CPAP: variants seen among roughly 807,000 people sequenced by gnomAD.
The protein encoded by CPAP is centrosomal P4.1-associated protein.
the CPAP span, among the ~76,000 whole-genome samples, chr13:24,920,778 A>C: frequency 7.8e-6 from 1 of 128,648 alleles, no homozygotes; most frequent in Non-Finnish European, 1.7e-5. Context: ...GCACCACCAT[A>C]CCTGGCTTTT....
the CPAP span, chr13:24,883,836 C>T: frequency 3.0e-6 from 3 of 992,076 alleles, no homozygotes; most frequent in Non-Finnish European, 4.8e-6. Flanking sequence ...GTGGGACATT[C>T]ATTCAAACTG....
chr13:24,899,079 G>A, the CPAP span, among the ~76,000 whole-genome samples: 63 of 152,146 alleles, frequency 4.1e-4, no homozygotes, highest in African/African-American at 1.5e-3. Context: ...TATGATAAAT[G>A]AACAGAACTA....
At chr13:24,921,209 T>A in the CPAP span, among the ~76,000 whole-genome samples, 1 of 152,350 alleles carries the variant, frequency 6.6e-6, no homozygotes, top group African/African-American at 2.4e-5. Context: ...CTGAGGTAAC[T>A]TGCTGCAATT....
At chr13:24,917,637 A>G in the CPAP span, among the ~76,000 whole-genome samples, 1 of 152,258 alleles carries the variant, frequency 6.6e-6, no homozygotes, top group African/African-American at 2.4e-5. Context: ...CTATCTGAAT[A>G]GTTTATGAAA....
the CPAP span, chr13:24,892,796 G>A: frequency 1.2e-6 from 2 of 1,613,450 alleles, no homozygotes; most frequent in Non-Finnish European, 1.7e-6. Context: ...TGAGACGGCT[G>A]TGTGTACTTG....
At chr13:24,883,066 A>G in the CPAP span, 1 of 975,342 alleles carries the variant, frequency 1.0e-6, no homozygotes, top group South Asian at 1.3e-5. Context: ...TTATTTTAGA[A>G]TCTAATCTTT....
the CPAP span, chr13:24,911,809 A>G: frequency 1.9e-6 from 2 of 1,046,980 alleles, no homozygotes; most frequent in Non-Finnish European, 1.5e-6. Context: ...CAACTCTACC[A>G]TTTCACATTT....
the CPAP span, among the ~76,000 whole-genome samples, chr13:24,896,720 GCAAT>G: frequency 1.3e-5 from 2 of 152,208 alleles, no homozygotes; most frequent in African/African-American, 4.8e-5. Flanking sequence ...AGGAAAAAAA[GCAAT>G]CAATCTCACA....
At chr13:24,914,625 G>GACT in the CPAP span, among the ~76,000 whole-genome samples, 1 of 151,898 alleles carries the variant, frequency 6.6e-6, no homozygotes, top group Non-Finnish European at 1.5e-5. Flanking sequence ...GCTCCTTCCA[G>GACT]ACTACACACT....
chr13:24,920,952 A>G, the CPAP span, among the ~76,000 whole-genome samples: 15 of 152,124 alleles, frequency 9.9e-5, no homozygotes, highest in African/African-American at 3.6e-4. Context: ...ATGAAGCTGA[A>G]GAACAGGCAA....
the CPAP span, among the ~76,000 whole-genome samples, chr13:24,929,901 A>T: frequency 9.9e-6 from 1 of 100,930 alleles, no homozygotes; most frequent in Non-Finnish European, 1.9e-5. Flanking sequence ...TCACTTGTGA[A>T]TTTTTTTTTT....
chr13:24,908,017 C>G, the CPAP span: 1 of 1,589,824 alleles, frequency 6.3e-7, no homozygotes, highest in Non-Finnish European at 8.6e-7. Flanking sequence ...ACGAACAATA[C>G]CTTTCTTCAA....
chr13:24,912,248 A>T, the CPAP span, among the ~76,000 whole-genome samples: 1 of 152,192 alleles, frequency 6.6e-6, no homozygotes. Flanking sequence ...TTACGAAGGA[A>T]ATCTTATCAA....
At chr13:24,887,939 A>C in the CPAP span, among the ~76,000 whole-genome samples, 117 of 152,334 alleles carry the variant, frequency 7.7e-4, no homozygotes, top group South Asian at 1.7e-3. Flanking sequence ...GCAGAGCATG[A>C]GAAAATGAGA....
At chr13:24,891,286 C>T in the CPAP span, among the ~76,000 whole-genome samples, 4 of 152,142 alleles carry the variant, frequency 2.6e-5, no homozygotes, top group Non-Finnish European at 5.9e-5. Flanking sequence ...CCTGCCTACT[C>T]ACAGCCCTGC....
chr13:24,899,341 TAAGA>T, the CPAP span: 4 of 1,179,950 alleles, frequency 3.4e-6, no homozygotes, highest in South Asian at 2.6e-5. Context: ...TGCTTTGACA[TAAGA>T]AATAACTCTG....
the CPAP span, among the ~76,000 whole-genome samples, chr13:24,894,628 C>T: frequency 6.6e-6 from 1 of 152,162 alleles, no homozygotes; most frequent in Non-Finnish European, 1.5e-5. Flanking sequence ...ACAGATAGGG[C>T]TGTGGGGTTG....
the CPAP span, chr13:24,907,028 G>A: frequency 6.3e-7 from 1 of 1,595,026 alleles, no homozygotes; most frequent in Non-Finnish European, 8.6e-7. Context: ...TATTTTTAAG[G>A]CAAATTATAG....
At chr13:24,899,799 C>T in the CPAP span, among the ~76,000 whole-genome samples, 415 of 152,174 alleles carry the variant, frequency 2.7e-3, no homozygotes, top group Admixed American at 4.8e-3. Flanking sequence ...AGTGGGGAAA[C>T]CACAGTGAAA....
Sources: allele counts gnomAD v4.1 joint callset (sites outside exome capture counted in the v4.1 genomes callset), GRCh38; gene constraint gnomAD v4.1.1; transcripts MANE v1.5; gene names NCBI Gene and HGNC (gene_info 2026-07-23, HGNC 2026-07-21).